Variants in CASK observed in about 807,000 individuals in gnomAD.
CASK encodes peripheral plasma membrane protein CASK.
In CASK, 4 loss-of-function variants were observed where a neutral mutation model predicts 82.9. That is an observed-to-expected ratio of 0.05 (90% confidence interval 0.02 to 0.11). CASK has a LOEUF of 0.11. Among genes scored for constraint, CASK ranks in the 10% least tolerant of loss-of-function variants. CASK has a pLI of 1.00. For synonymous variants in CASK, 259 were observed against 253.5 expected (o/e 1.02, Z -0.20); for missense variants, 358 against 720.9 (o/e 0.50, Z 5.76).
intron 3 of CASK, among the ~76,000 whole-genome samples, chrX:41,757,258 T>C (rs766753392): frequency 8.9e-6 from 1 of 111,884 alleles, no homozygotes; most frequent in African/African-American, 3.3e-5. Context: ...TGTGGTACTG[T>C]TTTGATGTCT....
intron 8 of CASK, among the ~76,000 whole-genome samples, chrX:41,650,901 C>A (rs1569369125): frequency 8.9e-6 from 1 of 111,787 alleles, no homozygotes; most frequent in African/African-American, 3.2e-5. Flanking sequence ...CTCTTACCAG[C>A]TGGATAACAT....
chrX:41,610,356 G>C (rs1435473304), intron 11 of CASK, among the ~76,000 whole-genome samples: 2 of 111,727 alleles, frequency 1.8e-5, no homozygotes, highest in Non-Finnish European at 3.8e-5. Flanking sequence ...AAGAGAGTAT[G>C]GGTTTCAGGA....
intron 2 of CASK, among the ~76,000 whole-genome samples, chrX:41,844,923 T>G (rs1010538817): frequency 8.9e-6 from 1 of 112,132 alleles, no homozygotes; most frequent in African/African-American, 3.2e-5. Context: ...TTTTAAAGTA[T>G]TCTTGTAATT....
intron 5 of CASK, among the ~76,000 whole-genome samples, chrX:41,688,709 C>T (rs1247127775): frequency 9.0e-6 from 1 of 111,312 alleles, no homozygotes; most frequent in African/African-American, 3.3e-5. Context: ...CATATTTCTG[C>T]TTAGAATTTA....
At chrX:41,593,256 G>C (rs760866436) in intron 12 of CASK, among the ~76,000 whole-genome samples, 13 of 111,187 alleles carry the variant, frequency 1.2e-4, no homozygotes, top group South Asian at 3.8e-4. Flanking sequence ...TGTCCATGTG[G>C]CAAAGAATAC....
Position 41,922,865 on chromosome X carries a change from G to T in CASK, c.59+65C>A. The T allele has an allele frequency of 8.6e-6, 9 of 1,042,723 alleles. No individual in the cohort carries two copies. In the South Asian group the frequency reaches 1.5e-4, roughly 18 times the overall value. 85.9% of individuals were successfully genotyped at this position (1,042,723 alleles called of 1,213,427 possible). ...CAGGGGGCAGGCCCCGAGCGGGTGC[G>T]GGAAGACCGGGGCATCACTGAAATG... On this transcript the variant is annotated intron_variant, in intron 1 of 26. Coordinates refer to ENST00000378163, the MANE Select transcript of CASK (RefSeq NM_001367721.1).
chrX:41,548,640 G>C (rs5918198), intron 21 of CASK, among the ~76,000 whole-genome samples: 13,781 of 110,886 alleles, frequency 0.12, 818 homozygotes, highest in Middle Eastern at 0.18. Context: ...GCTGATAAAG[G>C]CTTGCTTTGG....
chrX:41,596,809 A>C (rs1184511982), intron 12 of CASK, among the ~76,000 whole-genome samples: 1 of 111,968 alleles, frequency 8.9e-6, no homozygotes, highest in Admixed American at 9.4e-5. Context: ...GTACTGAGTC[A>C]GATATGACCA....
chrX:41,669,373 T>TC lies in CASK; in HGVS notation c.532+2054dup, dbSNP rs1323765373. On this transcript the variant is annotated intron_variant, in intron 6 of 26. Coordinates refer to ENST00000378163, the MANE Select transcript of CASK (RefSeq NM_001367721.1). The stretch of plus-strand genomic sequence containing the variant: ...CCAGGTAAACATAATGCATCTATTT[T>TC]CCCCCCCAGTCAAGATGTACAATAA... Among the ~76,000 whole-genome samples the TC allele has an allele frequency of 5.4e-5, 6 of 110,227 alleles. No homozygotes were observed. The East Asian group carries it at 1.1e-3, about 21-fold the overall frequency.
At chrX:41,585,122 T>C (rs930647135) in intron 14 of CASK, 1 of 112,033 alleles carries the variant, frequency 8.9e-6, no homozygotes, top group Admixed American at 9.4e-5. Context: ...GGAAAAGAGT[T>C]AGAGAAGAGA....
At chrX:41,901,192 C>T (rs2072373523) in intron 1 of CASK, among the ~76,000 whole-genome samples, 1 of 112,155 alleles carries the variant, frequency 8.9e-6, no homozygotes, top group African/African-American at 3.2e-5. Context: ...TTTTACAAAG[C>T]AGGCACTTGG....
intron 1 of CASK, among the ~76,000 whole-genome samples, chrX:41,862,011 G>A (rs1150384): frequency 0.18 from 18,688 of 104,238 alleles, 1,460 homozygotes; most frequent in Middle Eastern, 0.31. Flanking sequence ...GTATACATAC[G>A]TTATATATAA....
chrX:41,918,479 T>A (rs1265973544), intron 1 of CASK, among the ~76,000 whole-genome samples: 1 of 112,328 alleles, frequency 8.9e-6, no homozygotes, highest in Non-Finnish European at 1.9e-5. Context: ...TTTCTTCATA[T>A]TAAATCAAGC....
At chrX:41,683,854 C>T (rs774356769) in intron 5 of CASK, among the ~76,000 whole-genome samples, 1 of 111,685 alleles carries the variant, frequency 9.0e-6, no homozygotes, top group South Asian at 3.8e-4. Context: ...ATAGTAATAC[C>T]TACATTATCA....
chrX:41,524,033 G>A lies in CASK; in HGVS notation c.2522C>T (p.Ala841Val). ...LIAILDVEPQ[A>V]LKVLRTAEFA... Reference sequence around the variant, plus strand: ...CTCTGCAGTTCTCAGGACCTTCAGTGCCTGTGTTAAGAAAAAAAAAAAAAA... The same window carrying A: ...CTCTGCAGTTCTCAGGACCTTCAGTACCTGTGTTAAGAAAAAAAAAAAAAA... The change falls in exon 26 of 27, where the codon GCA becomes GTA. Residue 841 changes from alanine (A) to valine (V), a missense_variant and splice_region_variant. Ala to Val is a moderately conservative substitution (Grantham distance 64). This residue lies in a region of CASK where 118 missense variants were observed against 169.4 expected (regional missense o/e 0.70). Coordinates refer to ENST00000378163, the MANE Select transcript of CASK (RefSeq NM_001367721.1). 8.7e-7 allele frequency: 1 copy of A among 1,143,233 alleles called. No homozygotes were observed. Among genetic ancestry groups the A allele is most frequent in the Non-Finnish European group, 1.2e-6 (1 of 844,086 alleles). 94.2% of individuals were successfully genotyped at this position (1,143,233 alleles called of 1,213,427 possible).
At chrX:41,722,191 T>C (rs746370134) in intron 5 of CASK, among the ~76,000 whole-genome samples, 1 of 112,608 alleles carries the variant, frequency 8.9e-6, no homozygotes, top group African/African-American at 3.2e-5. Context: ...ACAACGGTTT[T>C]TAAGCAGTAC....
At chrX:41,812,291 A>G (rs1335043907) in intron 2 of CASK, among the ~76,000 whole-genome samples, 1 of 111,835 alleles carries the variant, frequency 8.9e-6, no homozygotes, top group Non-Finnish European at 1.9e-5. Context: ...AACAAAAAAA[A>G]GGGAATTCTA....
At position 41,827,710 on chromosome X, in the gene CASK, C is replaced by T. The variant is rs141958589; in HGVS notation, c.172+25405G>A. Among the ~76,000 whole-genome samples the T allele has an allele frequency of 8.9e-3, 998 of 112,093 alleles. 9 individuals carry two copies. The highest frequency in any genetic ancestry group is 0.031 in the African/African-American group (952 of 30,881). On this transcript the variant is annotated intron_variant, in intron 2 of 26. Coordinates refer to ENST00000378163, the MANE Select transcript of CASK (RefSeq NM_001367721.1). ...TTTATTTTATCAGCCACCCTGCTGA[C>T]AGAGTTTAGAAAAGATGGTAACTTC...
chrX:41,567,681 C>A (rs746822667), intron 16 of CASK, among the ~76,000 whole-genome samples: 1 of 111,782 alleles, frequency 8.9e-6, no homozygotes, highest in South Asian at 3.8e-4. Context: ...GACAGTGTGG[C>A]GATTCCTCAA....
Sources: allele counts gnomAD v4.1 joint callset (sites outside exome capture counted in the v4.1 genomes callset), GRCh38; gene constraint gnomAD v4.1.1; regional missense constraint gnomAD v4.1.1; transcripts MANE v1.5; gene names NCBI Gene and HGNC (gene_info 2026-07-23, HGNC 2026-07-21).